NCALD: variants seen among roughly 807,000 people sequenced by gnomAD.
The protein encoded by NCALD is neurocalcin-delta.
NCALD carries 10 observed loss-of-function variants against 18.6 expected under a neutral mutation model. That is an observed-to-expected ratio of 0.54 (90% confidence interval 0.33 to 0.91). The LOEUF is 0.91. Among genes scored for constraint, NCALD ranks in the 40% least tolerant of loss-of-function variants. The pLI is 0.03. For missense variants in NCALD, 184 were observed against 247.6 expected (o/e 0.74, Z 1.72); for synonymous variants, 88 against 87.4 (o/e 1.01, Z -0.04).
chr8:101,711,431 A>C (rs373319892), intron 2 of NCALD, among the ~76,000 whole-genome samples: 1 of 152,050 alleles, frequency 6.6e-6, no homozygotes, highest in South Asian at 2.1e-4. Context: ...TGACAAATTG[A>C]CAGAAGTAGG....
At chr8:101,695,145 A>G (rs562750979) in intron 2 of NCALD, among the ~76,000 whole-genome samples, 1 of 152,274 alleles carries the variant, frequency 6.6e-6, no homozygotes, top group Admixed American at 6.5e-5. Context: ...CAATAACACA[A>G]CATTTAGAAA....
At chr8:101,847,433 C>A (rs1004927214) in intron 4 of NCALD, 1 of 165,062 alleles carries the variant, frequency 6.1e-6, no homozygotes, top group Admixed American at 5.9e-5. Flanking sequence ...CTTGAGACAA[C>A]AGTTGACAAG....
intron 1 of NCALD, among the ~76,000 whole-genome samples, chr8:102,027,170 G>C (rs561684100): frequency 6.6e-6 from 1 of 152,224 alleles, no homozygotes; most frequent in African/African-American, 2.4e-5. Context: ...CATTGTCTTG[G>C]TGATTAACAT....
At chr8:101,869,328 T>C (rs1815909036) in intron 4 of NCALD, among the ~76,000 whole-genome samples, 1 of 151,906 alleles carries the variant, frequency 6.6e-6, no homozygotes, top group Admixed American at 6.6e-5. Flanking sequence ...GTGATGGAAG[T>C]AAGAGGTTGG....
chr8:102,084,650 G>A (rs1242062836), intron 1 of NCALD, among the ~76,000 whole-genome samples: 3 of 152,138 alleles, frequency 2.0e-5, no homozygotes, highest in Non-Finnish European at 4.4e-5. Flanking sequence ...CACTTGAGGC[G>A]TTTTTCCCTT....
chr8:101,796,811 C>T (rs1812655181), intron 4 of NCALD, among the ~76,000 whole-genome samples: 1 of 152,088 alleles, frequency 6.6e-6, no homozygotes, highest in Admixed American at 6.5e-5. Flanking sequence ...ATATCTTGGG[C>T]CCCCAAAATC....
chr8:102,011,349 T>C (rs945347403), intron 2 of NCALD, among the ~76,000 whole-genome samples: 2 of 152,180 alleles, frequency 1.3e-5, no homozygotes, highest in African/African-American at 2.4e-5. Flanking sequence ...TACTCTCTGT[T>C]CCAACACTGA....
intron 2 of NCALD, among the ~76,000 whole-genome samples, chr8:101,949,227 A>T (rs770262478): frequency 2.0e-5 from 3 of 152,212 alleles, no homozygotes; most frequent in Non-Finnish European, 4.4e-5. Context: ...TCCTGTGAGG[A>T]AAGAGAGCTG....
chr8:101,838,226 A>G (rs549461640), intron 4 of NCALD, among the ~76,000 whole-genome samples: 1 of 151,100 alleles, frequency 6.6e-6, no homozygotes, highest in South Asian at 2.1e-4. Context: ...TGTTTCTTTT[A>G]TTTTCTTTTT....
At chr8:101,857,798 G>C (rs748773073) in intron 4 of NCALD, among the ~76,000 whole-genome samples, 3 of 152,192 alleles carry the variant, frequency 2.0e-5, no homozygotes, top group South Asian at 4.1e-4. Flanking sequence ...TGGCCAACCT[G>C]TTTTGGTTTG....
intron 4 of NCALD, among the ~76,000 whole-genome samples, chr8:101,870,917 G>A (rs1454634784): frequency 1.0e-5 from 1 of 96,888 alleles, no homozygotes; most frequent in Non-Finnish European, 1.9e-5. Flanking sequence ...CCCAAAAAAA[G>A]AGAGAACGTT....
chr8:101,974,703 C>T (rs1409094314), intron 2 of NCALD, among the ~76,000 whole-genome samples: 1 of 152,070 alleles, frequency 6.6e-6, no homozygotes, highest in Non-Finnish European at 1.5e-5. Context: ...TGTGTGTGTT[C>T]AAAACAGCAA....
intron 4 of NCALD, among the ~76,000 whole-genome samples, chr8:101,886,576 T>C (rs981649238): frequency 1.3e-5 from 2 of 152,232 alleles, no homozygotes; most frequent in Admixed American, 6.5e-5. Flanking sequence ...TTCAATGAGA[T>C]GGCTTTTGAG....
intron 1 of NCALD, among the ~76,000 whole-genome samples, chr8:102,101,328 T>A (rs779201553): frequency 1.3e-5 from 2 of 152,254 alleles, no homozygotes; most frequent in Non-Finnish European, 2.9e-5. Context: ...CTCTTTTTTT[T>A]AAGTTAGCAA....
chr8:101,804,111 G>C (rs918307476), intron 4 of NCALD, among the ~76,000 whole-genome samples: 1 of 151,764 alleles, frequency 6.6e-6, no homozygotes, highest in African/African-American at 2.4e-5. Context: ...CTTGCTGAAG[G>C]CTCAGACGAT....
chr8:102,068,958 T>TA (rs1461614964), intron 1 of NCALD, among the ~76,000 whole-genome samples: 5 of 152,168 alleles, frequency 3.3e-5, no homozygotes, highest in Non-Finnish European at 7.3e-5. Flanking sequence ...TCATCTCACT[T>TA]ACATGTGGAA....
At chr8:101,944,039 G>A (rs1306705365) in intron 2 of NCALD, among the ~76,000 whole-genome samples, 1 of 152,144 alleles carries the variant, frequency 6.6e-6, no homozygotes, top group Admixed American at 6.5e-5. Flanking sequence ...GTAAGCATTA[G>A]CTAGTCCCTT....
intron 1 of NCALD, among the ~76,000 whole-genome samples, chr8:101,748,487 T>C (rs1444135791): frequency 6.6e-6 from 1 of 152,150 alleles, no homozygotes; most frequent in Non-Finnish European, 1.5e-5. Context: ...GTGACAAAAG[T>C]GTGGTCCTTC....
intron 1 of NCALD, among the ~76,000 whole-genome samples, chr8:102,079,523 T>G (rs1247181768): frequency 1.3e-5 from 2 of 152,184 alleles, no homozygotes; most frequent in Admixed American, 1.3e-4. Flanking sequence ...ATCCACTCTT[T>G]TGGAAGGCAC....
Sources: allele counts gnomAD v4.1 joint callset (sites outside exome capture counted in the v4.1 genomes callset), GRCh38; gene constraint gnomAD v4.1.1; transcripts MANE v1.5; gene names NCBI Gene and HGNC (gene_info 2026-07-23, HGNC 2026-07-21).